The following SNX25 variants were observed in gnomAD, a reference collection of about 807,000 sequenced individuals.
SNX25 encodes sorting nexin 25.
A neutral mutation model predicts 113.7 loss-of-function variants in SNX25; 62 were observed. The ratio of observed to expected loss-of-function variants is 0.55; its 90% CI spans 0.44 to 0.67. SNX25 has a LOEUF of 0.67. SNX25 is among the 30% of genes least tolerant of loss of function. SNX25 has a pLI of 0.00. For missense variants in SNX25, 1,014 were observed against 1,161.0 expected (o/e 0.87, Z 1.84); for synonymous variants, 421 against 436.2 (o/e 0.97, Z 0.43).
chr4:185,285,945 T>TA (rs1228828551), intron 5 of SNX25, among the ~76,000 whole-genome samples: 2 of 151,274 alleles, frequency 1.3e-5, no homozygotes, highest in African/African-American at 2.4e-5. Flanking sequence ...GCTAATTTTT[T>TA]TTTTTTATTT....
the SNX25 span, chr4:185,378,459 G>A: frequency 5.7e-6 from 7 of 1,234,286 alleles, no homozygotes; most frequent in South Asian, 6.3e-5. Flanking sequence ...CTGTTTGCAC[G>A]TCCTGTCTGG....
intron 2 of SNX25, among the ~76,000 whole-genome samples, chr4:185,253,443 A>G (rs527360161): frequency 2.9e-4 from 40 of 139,842 alleles, no homozygotes; most frequent in African/African-American, 9.8e-4. Context: ...TTACATGTAC[A>G]TTTCAGACTT....
In SNX25 at chr4:185,264,566, C is replaced by T; in HGVS notation, c.860C>T (p.Ser287Phe). 2 of 1,614,016 alleles carry T rather than the reference C, an allele frequency of 1.2e-6. No homozygotes were observed. The highest frequency in any genetic ancestry group is 2.2e-5 in the South Asian group (2 of 91,072). Residue 287 changes from serine to phenylalanine, a missense_variant, in exon 4 of 19, where the codon TCT (serine) becomes TTT (phenylalanine). Ser to Phe is a radical substitution (Grantham distance 155). Transcript: ENST00000652585. ...CTCCTCCCCTCAAAGGATGTGCAGT[C>T]TCTCAGCTTACGTATAATGCTTGCA... is the stretch of plus-strand genomic sequence containing the variant. The part of the protein sequence containing the change: ...FCLLPSKDVQ[S>F]LSLRIMLAEI...
chr4:185,342,926 T>C (rs1036379846), intron 12 of SNX25, among the ~76,000 whole-genome samples: 21 of 152,336 alleles, frequency 1.4e-4, no homozygotes, highest in Non-Finnish European at 2.5e-4. Context: ...AGTCCTGCTC[T>C]GTCGCCCAGG....
chr4:185,214,443 C>T (rs937314349), intron 1 of SNX25, among the ~76,000 whole-genome samples: 3 of 150,456 alleles, frequency 2.0e-5, no homozygotes, highest in Non-Finnish European at 4.4e-5. Context: ...AGTGGTGGTG[C>T]ACATCTGCAG....
downstream of SNX25, chr4:185,370,636 T>C: frequency 6.2e-7 from 1 of 1,612,880 alleles, no homozygotes; most frequent in Non-Finnish European, 8.5e-7. Flanking sequence ...GTTCTAAAGC[T>C]TACTTTAGAA....
At chr4:185,348,907 T>C (rs1447488561) in intron 13 of SNX25, among the ~76,000 whole-genome samples, 1 of 149,768 alleles carries the variant, frequency 6.7e-6, no homozygotes. Context: ...TCTGTACCTC[T>C]AATATATCAA....
intron 5 of SNX25, among the ~76,000 whole-genome samples, chr4:185,281,048 T>C (rs1181003691): frequency 2.0e-5 from 3 of 152,180 alleles, no homozygotes; most frequent in East Asian, 1.9e-4. Flanking sequence ...CATAGTAATG[T>C]TACCTTTTCC....
intron 9 of SNX25, among the ~76,000 whole-genome samples, chr4:185,328,094 C>A (rs780446755): frequency 6.6e-6 from 1 of 152,116 alleles, no homozygotes; most frequent in African/African-American, 2.4e-5. Context: ...AATTAGAGTT[C>A]TTTTAATAGA....
chr4:185,204,320 A>G (rs1286811019), exon 1 of SNX25: 1 of 152,212 alleles, frequency 6.6e-6, no homozygotes, highest in Non-Finnish European at 1.5e-5. Flanking sequence ...TTATCTTGTA[A>G]TTCTCTACCA....
intron 1 of SNX25, among the ~76,000 whole-genome samples, chr4:185,239,763 A>AT (rs200021607): frequency 1.6e-4 from 20 of 122,432 alleles, no homozygotes; most frequent in African/African-American, 2.9e-4. Context: ...AATAAGGTGT[A>AT]TTTTTTTTTT....
At chr4:185,284,193 A>G (rs1168087520) in intron 5 of SNX25, among the ~76,000 whole-genome samples, 1 of 152,178 alleles carries the variant, frequency 6.6e-6, no homozygotes, top group East Asian at 1.9e-4. Flanking sequence ...TATACACAGA[A>G]CTATGGTTTT....
intron 5 of SNX25, among the ~76,000 whole-genome samples, chr4:185,270,936 T>A (rs565682378): frequency 4.0e-4 from 61 of 152,350 alleles, no homozygotes; most frequent in African/African-American, 1.4e-3. Context: ...CATGGGCAAG[T>A]TGGATTGTCT....
At chr4:185,224,551 ATATATAAATATATATAAGTG>A (rs1740647701) in intron 1 of SNX25, among the ~76,000 whole-genome samples, 1 of 91,382 alleles carries the variant, frequency 1.1e-5, no homozygotes, top group Non-Finnish European at 2.2e-5. Context: ...ATATATACAT[ATATATAAATATATATAAGTG>A]TATATAAATA....
At chr4:185,315,004 G>A (rs1475359856) in intron 7 of SNX25, among the ~76,000 whole-genome samples, 4 of 151,602 alleles carry the variant, frequency 2.6e-5, no homozygotes, top group Non-Finnish European at 5.9e-5. Flanking sequence ...CGAGGCGGGC[G>A]GATCACGAGG....
In SNX25 at chr4:185,253,012, A is replaced by C. The variant is rs111833096; in HGVS notation, c.514+5634A>C. 1.2e-4 allele frequency among the ~76,000 whole-genome samples: 18 copies of C among 152,334 alleles called. 1 individual carries two copies. Among genetic ancestry groups the C allele is most frequent in the African/African-American group, 4.1e-4 (17 of 41,574 alleles). ...CAGAACAGTTACCCTTCTGTACCAG[A>C]TAGCTTCAGAAGATTCTCCAAAAGC... On this transcript the variant is annotated intron_variant, in intron 2 of 18. Coordinates refer to ENST00000652585, the MANE Select transcript of SNX25 (RefSeq NM_001378034.2).
intron 5 of SNX25, among the ~76,000 whole-genome samples, chr4:185,277,717 TACC>T (rs1420505032): frequency 5.0e-5 from 5 of 100,868 alleles, no homozygotes; most frequent in African/African-American, 1.8e-4. Flanking sequence ...GAGTACTTAT[TACC>T]TTTTTTTTTT....
intron 1 of SNX25, among the ~76,000 whole-genome samples, chr4:185,221,817 C>A (rs1446031196): frequency 1.3e-5 from 2 of 152,056 alleles, no homozygotes; most frequent in African/African-American, 4.8e-5. Context: ...ATGCTGCTGC[C>A]CCCTTTATCT....
At chr4:185,366,416 C>T (rs2095388280), downstream of SNX25, 1 of 152,120 alleles carries the variant, frequency 6.6e-6, no homozygotes, top group Admixed American at 6.5e-5. Flanking sequence ...ACACATTCTG[C>T]ATATGTATGT....
Sources: allele counts gnomAD v4.1 joint callset (sites outside exome capture counted in the v4.1 genomes callset), GRCh38; gene constraint gnomAD v4.1.1; transcripts MANE v1.5; gene names NCBI Gene and HGNC (gene_info 2026-07-23, HGNC 2026-07-21).